The following GUCY1A1 variants were observed in gnomAD, a reference collection of about 807,000 sequenced individuals.
GUCY1A1 encodes guanylate cyclase 1 soluble subunit alpha 1.
A neutral mutation model predicts 64.5 loss-of-function variants in GUCY1A1; 48 were observed. That is an observed-to-expected ratio of 0.74 (90% CI 0.59 to 0.95). The LOEUF is 0.95. Among genes scored for constraint, GUCY1A1 ranks in the 40% least tolerant of loss-of-function variants. The pLI, the probability that GUCY1A1 is intolerant of heterozygous loss-of-function variation, is 0.00. For synonymous variants in GUCY1A1, 308 were observed against 303.4 expected (o/e 1.02, Z -0.16); for missense variants, 804 against 825.3 (o/e 0.97, Z 0.32).
intron 9 of GUCY1A1, among the ~76,000 whole-genome samples, chr4:155,724,516 T>C (rs1230081189): frequency 2.0e-5 from 3 of 152,132 alleles, no homozygotes; most frequent in Non-Finnish European, 4.4e-5. Flanking sequence ...CCTGCTAAAA[T>C]AAAATCACTG....
chr4:155,670,254 A>C (rs772863040), intron 2 of GUCY1A1, among the ~76,000 whole-genome samples: 2 of 152,222 alleles, frequency 1.3e-5, no homozygotes, highest in Non-Finnish European at 2.9e-5. Flanking sequence ...TTGTAAAAAC[A>C]AATTTTTTCC....
Position 155,692,012 on chromosome 4 carries a change from T to C in GUCY1A1, c.-112-4744T>C, listed in dbSNP as rs147631748. On this transcript the variant is annotated intron_variant, in intron 2 of 9. Transcript: ENST00000506455. ...TCTATGTGTCCATGCGTTCTCATTG[T>C]TTAGCTCTCACTTATAAGTGAGAAC... Among the ~76,000 whole-genome samples the C allele has an allele frequency of 1.6e-4, 24 of 152,284 alleles. No individual in the cohort carries two copies. In the East Asian group the frequency reaches 4.6e-3, roughly 29 times the overall value.
At chr4:155,675,306 G>A (rs1362855321) in intron 2 of GUCY1A1, among the ~76,000 whole-genome samples, 1 of 151,488 alleles carries the variant, frequency 6.6e-6, no homozygotes, top group Non-Finnish European at 1.5e-5. Flanking sequence ...TTGTGTATTT[G>A]TGAGCATAAA....
intron 2 of GUCY1A1, among the ~76,000 whole-genome samples, chr4:155,681,778 G>C (rs1250784679): frequency 6.6e-6 from 1 of 152,150 alleles, no homozygotes; most frequent in Non-Finnish European, 1.5e-5. Context: ...ATCTTAAACA[G>C]TTTTAGTTAA....
chr4:155,676,785 C>T (rs1035231643), intron 2 of GUCY1A1, among the ~76,000 whole-genome samples: 9 of 151,508 alleles, frequency 5.9e-5, no homozygotes, highest in Admixed American at 1.3e-4. Context: ...GCAATTAATT[C>T]CCAACCTTTT....
rs965924608 is a variant in GUCY1A1, at chr4:155,734,719, G to C, written c.*4488G>C. 6.6e-6 allele frequency: 1 copy of C among 152,098 alleles called. No individual in the cohort carries two copies. The highest frequency in any genetic ancestry group is 1.5e-5 in the Non-Finnish European group (1 of 67,922). 9.4% of individuals were successfully genotyped at this position (152,098 alleles called of 1,614,324 possible). ...TCCAAAACAGAAATTCAGTGCTGCA[G>C]AGACGGTAGCAAAGTGCAGTTCTCT... On this transcript the variant is annotated 3_prime_UTR_variant, in exon 10 of 10. Transcript: ENST00000506455.
At chr4:155,727,742 A>G (rs1734919135) in intron 9 of GUCY1A1, among the ~76,000 whole-genome samples, 1 of 151,678 alleles carries the variant, frequency 6.6e-6, no homozygotes, top group South Asian at 2.1e-4. Flanking sequence ...ACATTTTGCC[A>G]TATTTCTTTC....
At chr4:155,677,472 A>G (rs1337429811) in intron 2 of GUCY1A1, among the ~76,000 whole-genome samples, 2 of 152,214 alleles carry the variant, frequency 1.3e-5, no homozygotes, top group Non-Finnish European at 2.9e-5. Flanking sequence ...ATAAGCTCAC[A>G]ATGGCAGTCC....
Position 155,715,079 on chromosome 4 carries a change from T to C in GUCY1A1, c.1572+1496T>C, listed in dbSNP as rs1013612170. The stretch of plus-strand genomic sequence containing the variant: ...CATTTTGAAACTATGCTCCTCACTG[T>C]AAGGTATAAGGACAACAGCCACAGA... On this transcript the variant is annotated intron_variant, in intron 7 of 9. Coordinates refer to ENST00000506455, the MANE Select transcript of GUCY1A1 (RefSeq NM_001130682.3). Among the ~76,000 whole-genome samples the C allele has an allele frequency of 2.0e-5, 3 of 152,266 alleles. No homozygotes were observed. In the South Asian group the frequency reaches 6.2e-4, roughly 32 times the overall value.
chr4:155,703,451 T>C lies in GUCY1A1; in HGVS notation c.256-481T>C, dbSNP rs987514658. ...TGTATAGTTAAGGGCAGAGAGTCAC[T>C]GGGGCAGCTGGGTGTGGAGTTTGTG... On this transcript the variant is annotated intron_variant, in intron 3 of 9. Coordinates refer to ENST00000506455, the MANE Select transcript of GUCY1A1 (RefSeq NM_001130682.3). Among the ~76,000 whole-genome samples the C allele has an allele frequency of 3.9e-5, 6 of 152,288 alleles. No individual in the cohort carries two copies. The South Asian group carries it at 1.2e-3, about 32-fold the overall frequency.
chr4:155,689,193 G>T (rs1729412555), intron 2 of GUCY1A1, among the ~76,000 whole-genome samples: 1 of 151,574 alleles, frequency 6.6e-6, no homozygotes, highest in African/African-American at 2.4e-5. Flanking sequence ...AGAGTAAAAA[G>T]GAATTACATT....
chr4:155,713,168 G>C lies in GUCY1A1; in HGVS notation c.1157G>C (p.Cys386Ser). Residue 386 changes from cysteine (C) to serine (S), a missense_variant, in exon 7 of 10, where the codon TGT (cysteine) becomes TCT (serine). Transcript: ENST00000506455. ...GCAATCTTGTTTTTGGGGTCACCCT[G>C]TGTGGACAGATTAGAAGATTTTACA... ...SSAILFLGSP[C>S]VDRLEDFTGR... is the part of the protein sequence containing the mutation. 1 of 1,613,948 alleles carries C rather than the reference G, an allele frequency of 6.2e-7. No individual in the cohort carries two copies. Among genetic ancestry groups the C allele is most frequent in the South Asian group, 1.1e-5 (1 of 91,076 alleles).
chr4:155,722,307 A>G (rs1734069818), intron 9 of GUCY1A1, 115 bp downstream of exon 9: 2 of 1,464,330 alleles, frequency 1.4e-6, no homozygotes, highest in African/African-American at 1.4e-5. Context: ...TCGTAAGGAA[A>G]AAAGAAACGT....
intron 8 of GUCY1A1, among the ~76,000 whole-genome samples, chr4:155,719,885 A>G (rs1433083845): frequency 6.6e-6 from 1 of 152,218 alleles, no homozygotes; most frequent in African/African-American, 2.4e-5. Flanking sequence ...TTCCCATTCA[A>G]ACTTTTCCCG....
rs1244967250 is a variant in GUCY1A1, at chr4:155,722,136, C to T, written c.1815C>T (p.Asn605=). The change falls in exon 9 of 10, where the codon AAC becomes AAT. Residue 605 remains asparagine, a synonymous_variant. Transcript: ENST00000506455. The part of the protein sequence containing the change: ...CLFGNNVTLA[N]KFESCSVPRK... ...TTGGAAACAATGTCACTCTGGCTAA[C>T]AAATTTGAGTCCTGCAGTGTACCAC... 1 of 1,613,490 alleles carries T rather than the reference C, an allele frequency of 6.2e-7. No individual in the cohort carries two copies.
At chr4:155,718,461 T>A (rs1229554377) in intron 8 of GUCY1A1, among the ~76,000 whole-genome samples, 1 of 152,166 alleles carries the variant, frequency 6.6e-6, no homozygotes, top group African/African-American at 2.4e-5. Context: ...ATTCTGTGCA[T>A]CAAAAATTTG....
chr4:155,680,967 GCA>G (rs61277352), intron 2 of GUCY1A1, among the ~76,000 whole-genome samples: 4,239 of 143,792 alleles, frequency 0.029, 169 homozygotes, highest in African/African-American at 0.098. Context: ...ACACACACAT[GCA>G]CACACACACA....
chr4:155,677,711 G>A (rs1735148807), intron 2 of GUCY1A1, among the ~76,000 whole-genome samples: 1 of 152,038 alleles, frequency 6.6e-6, no homozygotes, highest in Non-Finnish European at 1.5e-5. Context: ...AATTAGCCGG[G>A]CATGGTGGTG....
rs1735799010 is a variant in GUCY1A1, at chr4:155,733,873, C to T, written c.*3642C>T. On this transcript the variant is annotated 3_prime_UTR_variant, in exon 10 of 10. Transcript: ENST00000506455. ...TTACTTGCACAGGTGACTGAATGAA[C>T]ATCTGTTTATACATCAAGGGAAAAT... 6.6e-6 allele frequency among the ~76,000 whole-genome samples: 1 copy of T among 151,578 alleles called. No individual in the cohort carries two copies. The highest frequency in any genetic ancestry group is 2.1e-4 in the South Asian group (1 of 4,814).
Sources: gnomAD v4.1 joint callset for allele counts (sites outside exome capture counted in the v4.1 genomes callset) on GRCh38, gnomAD v4.1.1 for gene constraint, MANE v1.5 for transcripts, NCBI Gene and HGNC (gene_info 2026-07-23, HGNC 2026-07-21) for gene names.